Variants in PRKCB observed in about 807,000 individuals in gnomAD.
The protein encoded by PRKCB is protein kinase C beta type.
Under a neutral mutation model 81.5 loss-of-function variants are expected in PRKCB, and 13 were observed. That is an observed-to-expected ratio of 0.16 (90% confidence interval 0.10 to 0.25). The LOEUF (loss-of-function observed/expected upper bound fraction) is 0.25. Among genes scored for constraint, PRKCB ranks in the 10% least tolerant of loss-of-function variants. PRKCB has a pLI of 1.00. For synonymous variants in PRKCB, 335 were observed against 321.4 expected, an observed-to-expected ratio of 1.04 and a Z score of -0.45; for missense variants, 509 against 875.7, an observed-to-expected ratio of 0.58 and a Z score of 5.29.
chr16:24,159,825 C>T (rs1025871583), intron 10 of PRKCB, among the ~76,000 whole-genome samples: 1 of 151,946 alleles, frequency 6.6e-6, no homozygotes, highest in African/African-American at 2.4e-5. Context: ...AAGATCCCAT[C>T]TCTACAAAAA....
chr16:24,022,296 A>G (rs887713750), intron 3 of PRKCB, among the ~76,000 whole-genome samples: 4 of 152,062 alleles, frequency 2.6e-5, no homozygotes, highest in Non-Finnish European at 4.4e-5. Context: ...TACAGGGTCC[A>G]GGCAGGAAAG....
At chr16:23,903,408 C>G (rs773224470) in intron 2 of PRKCB, among the ~76,000 whole-genome samples, 7 of 151,970 alleles carry the variant, frequency 4.6e-5, no homozygotes, top group African/African-American at 1.5e-4. Flanking sequence ...TCATTTCCCC[C>G]CTAACAGCAG....
intron 5 of PRKCB, among the ~76,000 whole-genome samples, chr16:24,077,027 A>G (rs1966186997): frequency 6.6e-6 from 1 of 152,068 alleles, no homozygotes; most frequent in Non-Finnish European, 1.5e-5. Context: ...CTCCCCTGGG[A>G]TCCTCCTTGG....
chr16:24,201,801 T>A (rs1390296556), intron 16 of PRKCB, among the ~76,000 whole-genome samples: 1 of 152,098 alleles, frequency 6.6e-6, no homozygotes, highest in Non-Finnish European at 1.5e-5. Context: ...TTTGGGAGGC[T>A]GAGGCGGGTG....
In PRKCB at chr16:23,960,234, T is replaced by G. The variant is rs544313748; in HGVS notation, c.206-28274T>G. Among the ~76,000 whole-genome samples, 4 of 152,218 alleles carry G rather than the reference T, an allele frequency of 2.6e-5. No homozygotes were observed. The South Asian group carries it at 8.3e-4, about 32-fold the overall frequency. ...ACAAACACTTCCTTTTTTAAAAAAT[T>G]TCACAAAAATACTTTATTATACCCA... On this transcript the variant is annotated intron_variant, in intron 2 of 16. Transcript: ENST00000643927.
intron 2 of PRKCB, among the ~76,000 whole-genome samples, chr16:23,909,541 T>C (rs1963618247): frequency 6.6e-6 from 1 of 152,140 alleles, no homozygotes; most frequent in Non-Finnish European, 1.5e-5. Context: ...GGTGGTGAAG[T>C]CTGAGCTTTT....
intron 16 of PRKCB, among the ~76,000 whole-genome samples, chr16:24,197,807 A>G (rs928850203): frequency 6.6e-6 from 1 of 152,172 alleles, no homozygotes; most frequent in Admixed American, 6.5e-5. Context: ...TCATGGAGAC[A>G]TGAAGGCGCT....
At chr16:24,184,522 A>G (rs1967674126) in intron 13 of PRKCB, among the ~76,000 whole-genome samples, 1 of 152,224 alleles carries the variant, frequency 6.6e-6, no homozygotes, top group Non-Finnish European at 1.5e-5. Flanking sequence ...TAAAGCACAC[A>G]CATACACACA....
At chr16:24,014,039 A>G (rs1030493577) in intron 3 of PRKCB, among the ~76,000 whole-genome samples, 3 of 152,224 alleles carry the variant, frequency 2.0e-5, no homozygotes, top group Non-Finnish European at 4.4e-5. Flanking sequence ...CCTTCTATAC[A>G]GAGGATCTTT....
intron 3 of PRKCB, among the ~76,000 whole-genome samples, chr16:24,023,535 A>G (rs1003668083): frequency 3.3e-5 from 5 of 151,888 alleles, no homozygotes; most frequent in Non-Finnish European, 5.9e-5. Context: ...CGCCCGGCTA[A>G]TTTTTTGTAT....
At chr16:23,916,208 C>T (rs925719141) in intron 2 of PRKCB, among the ~76,000 whole-genome samples, 1 of 148,296 alleles carries the variant, frequency 6.7e-6, no homozygotes, top group Non-Finnish European at 1.5e-5. Context: ...TGCATGCCAC[C>T]ACATGTGGCT....
At chr16:24,205,999 T>A (rs1968040056) in intron 16 of PRKCB, among the ~76,000 whole-genome samples, 1 of 152,082 alleles carries the variant, frequency 6.6e-6, no homozygotes, top group African/African-American at 2.4e-5. Context: ...ATCAAAACAC[T>A]GGATGTTATT....
rs148936314 is a variant in PRKCB at position 24,014,405 on chromosome 16, G to A, written c.289-17731G>A. ...ACCCTGAGCAATGAATGCACAACCC[G>A]GCCTGCACAGGAAGAGGTGGGGCTC... On this transcript the variant is annotated intron_variant, in intron 3 of 16. Transcript: ENST00000643927. Among the ~76,000 whole-genome samples, 589 of 152,216 alleles carry A rather than the reference G, an allele frequency of 3.9e-3. 4 individuals carry two copies. The highest frequency in any genetic ancestry group is 5.6e-3 in the Non-Finnish European group (384 of 67,998).
intron 2 of PRKCB, among the ~76,000 whole-genome samples, chr16:23,872,686 G>A (rs945331238): frequency 1.3e-5 from 2 of 152,130 alleles, no homozygotes; most frequent in Admixed American, 6.6e-5. Context: ...AGAGCAAAGT[G>A]TAAAAATATG....
intron 2 of PRKCB, among the ~76,000 whole-genome samples, chr16:23,896,545 G>A (rs1963382347): frequency 6.6e-6 from 1 of 152,126 alleles, no homozygotes; most frequent in African/African-American, 2.4e-5. Flanking sequence ...AGAGATTAGT[G>A]AACGTGCATG....
At chr16:23,977,086 C>A (rs906154154) in intron 2 of PRKCB, among the ~76,000 whole-genome samples, 1 of 152,130 alleles carries the variant, frequency 6.6e-6, no homozygotes, top group Admixed American at 6.5e-5. Flanking sequence ...TGTGAATAAG[C>A]AAATGAAGTT....
At chr16:23,998,491 T>A (rs1004169616) in intron 3 of PRKCB, among the ~76,000 whole-genome samples, 1 of 152,216 alleles carries the variant, frequency 6.6e-6, no homozygotes, top group Non-Finnish European at 1.5e-5. Context: ...GAAACGGTAT[T>A]GTGTCCTGGT....
At chr16:24,050,219 A>C (rs1028767875) in intron 5 of PRKCB, among the ~76,000 whole-genome samples, 1 of 152,124 alleles carries the variant, frequency 6.6e-6, no homozygotes, top group African/African-American at 2.4e-5. Flanking sequence ...TCAGCCATTT[A>C]CTTTCTAATC....
At chr16:24,084,133 G>A (rs1305496102) in intron 5 of PRKCB, among the ~76,000 whole-genome samples, 4 of 152,112 alleles carry the variant, frequency 2.6e-5, no homozygotes, top group African/African-American at 4.8e-5. Flanking sequence ...GGGGATGGCA[G>A]GGGAAAGGGA....
Sources: allele counts gnomAD v4.1 joint callset (sites outside exome capture counted in the v4.1 genomes callset), GRCh38; gene constraint gnomAD v4.1.1; transcripts MANE v1.5; gene names NCBI Gene and HGNC (gene_info 2026-07-23, HGNC 2026-07-21).